GPC5: variants seen among roughly 807,000 people sequenced by gnomAD.
The protein encoded by GPC5 is glypican-5.
In GPC5, 47 loss-of-function variants were observed where a neutral mutation model predicts 53.9. The observed-to-expected ratio is 0.87, with a 90% CI of 0.69 to 1.11. The LOEUF is 1.11. Among genes scored for constraint, GPC5 ranks in the 50% most tolerant of loss-of-function variants. GPC5 has a pLI of 0.00. For missense variants in GPC5, 748 were observed against 713.1 expected, an observed-to-expected ratio of 1.05 and a Z score of -0.56; for synonymous variants, 286 against 263.3, an observed-to-expected ratio of 1.09 and a Z score of -0.84.
chr13:91,886,715 T>C (rs2039326652), intron 5 of GPC5, among the ~76,000 whole-genome samples: 1 of 152,198 alleles, frequency 6.6e-6, no homozygotes, highest in Non-Finnish European at 1.5e-5. Context: ...TGAAATCCAA[T>C]AGAGCAGTCA....
At chr13:92,513,440 C>T (rs941303150) in intron 7 of GPC5, among the ~76,000 whole-genome samples, 1 of 150,700 alleles carries the variant, frequency 6.6e-6, no homozygotes, top group Non-Finnish European at 1.5e-5. Context: ...TATTTTTCCA[C>T]ATCCTAGTTA....
intron 2 of GPC5, among the ~76,000 whole-genome samples, chr13:91,601,150 A>T (rs1288207034): frequency 6.6e-6 from 1 of 152,228 alleles, no homozygotes; most frequent in African/African-American, 2.4e-5. Flanking sequence ...AGTCCAGTAG[A>T]TAGTTTGACA....
chr13:92,138,435 G>A (rs1055203179), intron 6 of GPC5, among the ~76,000 whole-genome samples: 1 of 151,976 alleles, frequency 6.6e-6, no homozygotes, highest in Non-Finnish European at 1.5e-5. Context: ...CAGGAGAATT[G>A]CTTGAACCCG....
At chr13:92,502,651 C>A (rs1458198733) in intron 7 of GPC5, among the ~76,000 whole-genome samples, 3 of 151,966 alleles carry the variant, frequency 2.0e-5, no homozygotes, top group Admixed American at 2.0e-4. Context: ...AAGCAGAAAA[C>A]AATCCCAATG....
chr13:91,444,532 T>C (rs898153752), intron 1 of GPC5, among the ~76,000 whole-genome samples: 32 of 152,350 alleles, frequency 2.1e-4, no homozygotes, highest in African/African-American at 7.7e-4. Flanking sequence ...GCATAGCTTC[T>C]GTAACATTGC....
chr13:91,843,919 G>T (rs1450310690), intron 5 of GPC5, among the ~76,000 whole-genome samples: 1 of 152,184 alleles, frequency 6.6e-6, no homozygotes, highest in Admixed American at 6.5e-5. Flanking sequence ...AGCCTTCAAG[G>T]TTCAGTGGCT....
intron 2 of GPC5, among the ~76,000 whole-genome samples, chr13:91,555,195 TGA>T (rs2030873889): frequency 6.6e-6 from 1 of 152,038 alleles, no homozygotes; most frequent in African/African-American, 2.4e-5. Flanking sequence ...ACCAGGATAT[TGA>T]TTGATACAGC....
intron 2 of GPC5, among the ~76,000 whole-genome samples, chr13:91,639,187 A>G (rs1349450095): frequency 6.6e-6 from 1 of 152,222 alleles, no homozygotes; most frequent in African/African-American, 2.4e-5. Context: ...GTCTAAAGAA[A>G]TAATTATTAT....
chr13:92,026,864 A>G (rs1328515567), intron 6 of GPC5, among the ~76,000 whole-genome samples: 1 of 152,184 alleles, frequency 6.6e-6, no homozygotes, highest in East Asian at 1.9e-4. Context: ...TTTCAAAACT[A>G]TGAGTCTAAA....
chr13:91,797,983 G>A (rs117002863), intron 5 of GPC5, among the ~76,000 whole-genome samples: 3 of 152,172 alleles, frequency 2.0e-5, no homozygotes, highest in Admixed American at 6.5e-5. Flanking sequence ...AAATAGGAAA[G>A]TACAGGTTAG....
In GPC5 at chr13:91,587,779, A is replaced by G. The variant is rs148073562; in HGVS notation, c.326-105408A>G. 2.4e-3 allele frequency among the ~76,000 whole-genome samples: 365 copies of G among 152,312 alleles called. 2 individuals are homozygous for G. The highest frequency in any genetic ancestry group is 8.4e-3 in the African/African-American group (350 of 41,580). On this transcript the variant is annotated intron_variant, in intron 2 of 7. Coordinates refer to ENST00000377067, the MANE Select transcript of GPC5 (RefSeq NM_004466.6). The stretch of plus-strand genomic sequence containing the variant: ...GAACTGCCTTTTCTTATTCTCCCAC[A>G]TATCAAAGAACAGAATGTACTCAAG...
intron 7 of GPC5, among the ~76,000 whole-genome samples, chr13:92,524,664 G>C (rs922784469): frequency 6.6e-6 from 1 of 152,114 alleles, no homozygotes; most frequent in Non-Finnish European, 1.5e-5. Context: ...CTTTCATTGA[G>C]AGCATATCAG....
At chr13:92,163,444 C>G (rs7987572) in intron 7 of GPC5, among the ~76,000 whole-genome samples, 6,451 of 125,554 alleles carry the variant, frequency 0.051, 356 homozygotes, top group African/African-American at 0.15. Flanking sequence ...CTGAGTAACA[C>G]AGTGAGATTC....
At chr13:91,945,863 G>A (rs1320871845) in intron 6 of GPC5, among the ~76,000 whole-genome samples, 1 of 152,192 alleles carries the variant, frequency 6.6e-6, no homozygotes, top group Non-Finnish European at 1.5e-5. Flanking sequence ...GCGTTGCAAA[G>A]TGATTCATAC....
chr13:92,076,683 T>C (rs1416972297), intron 6 of GPC5, among the ~76,000 whole-genome samples: 5 of 152,092 alleles, frequency 3.3e-5, no homozygotes, highest in Non-Finnish European at 7.4e-5. Context: ...TGACTTACTT[T>C]GCAGTCTGAC....
intron 4 of GPC5, among the ~76,000 whole-genome samples, chr13:91,734,825 C>G (rs991832765): frequency 6.6e-6 from 1 of 151,000 alleles, no homozygotes; most frequent in Non-Finnish European, 1.5e-5. Flanking sequence ...GAGTTATTTT[C>G]TTATCGTTCT....
intron 7 of GPC5, among the ~76,000 whole-genome samples, chr13:92,563,817 T>C (rs1275966997): frequency 2.0e-5 from 3 of 152,050 alleles, no homozygotes; most frequent in Admixed American, 1.3e-4. Context: ...CAGAGTTAAT[T>C]AATCTGGTGT....
At chr13:91,450,725 C>T (rs1020072515) in intron 2 of GPC5, among the ~76,000 whole-genome samples, 1 of 151,868 alleles carries the variant, frequency 6.6e-6, no homozygotes, top group Non-Finnish European at 1.5e-5. Context: ...TTGAGTTTTG[C>T]TATTTAAAAA....
At chr13:91,463,490 A>T (rs1594121709) in intron 2 of GPC5, among the ~76,000 whole-genome samples, 1 of 152,244 alleles carries the variant, frequency 6.6e-6, no homozygotes, top group East Asian at 1.9e-4. Flanking sequence ...AAGGCAGAGG[A>T]CCTAGAATAG....
Sources: allele counts gnomAD v4.1 joint callset (sites outside exome capture counted in the v4.1 genomes callset), GRCh38; gene constraint gnomAD v4.1.1; transcripts MANE v1.5; gene names NCBI Gene and HGNC (gene_info 2026-07-23, HGNC 2026-07-21).